Variants in NRXN1 observed in about 807,000 individuals in gnomAD.
The protein encoded by NRXN1 is neurexin 1.
NRXN1 carries 39 observed loss-of-function variants against 150.9 expected under a neutral mutation model. That is an observed-to-expected ratio of 0.26 (90% confidence interval 0.20 to 0.34). The LOEUF is 0.34. Ranked by LOEUF, NRXN1 falls within the 10% of genes least tolerant of loss-of-function variation. The pLI, the probability that NRXN1 is intolerant of heterozygous loss-of-function variation, is 1.00. For synonymous variants in NRXN1, 924 were observed against 757.0 expected, an observed-to-expected ratio of 1.22 and a Z score of -3.62; for missense variants, 1,815 against 1,949.9, an observed-to-expected ratio of 0.93 and a Z score of 1.30.
At chr2:50,595,064 C>T (rs927629445) in intron 8 of NRXN1, among the ~76,000 whole-genome samples, 2 of 150,496 alleles carry the variant, frequency 1.3e-5, no homozygotes, top group African/African-American at 4.9e-5. Flanking sequence ...TCTGCACATC[C>T]AGATTGGGAA....
chr2:50,792,320 C>T (rs990588218), intron 5 of NRXN1, among the ~76,000 whole-genome samples: 1 of 152,026 alleles, frequency 6.6e-6, no homozygotes, highest in Non-Finnish European at 1.5e-5. Flanking sequence ...TTTTATTTGT[C>T]TATTTTCTCT....
chr2:50,849,582 CTCT>C, intron 5 of NRXN1, among the ~76,000 whole-genome samples: 1 of 152,284 alleles, frequency 6.6e-6, no homozygotes, highest in Middle Eastern at 3.4e-3. Flanking sequence ...TTATCAATAA[CTCT>C]TCTTTTGTTT....
intron 5 of NRXN1, among the ~76,000 whole-genome samples, chr2:50,828,974 C>A (rs1161445252): frequency 6.6e-6 from 1 of 152,224 alleles, no homozygotes; most frequent in African/African-American, 2.4e-5. Flanking sequence ...CGTCTGCAAT[C>A]CCGGCACCTC....
intron 2 of NRXN1, among the ~76,000 whole-genome samples, chr2:50,978,425 A>G (rs1274743204): frequency 6.6e-6 from 1 of 150,558 alleles, no homozygotes; most frequent in Non-Finnish European, 1.5e-5. Context: ...GTATTTGTAT[A>G]ATCTGCATCA....
chr2:50,367,315 A>G (rs560331751), intron 17 of NRXN1, among the ~76,000 whole-genome samples: 2 of 152,138 alleles, frequency 1.3e-5, no homozygotes, highest in South Asian at 4.1e-4. Context: ...AGAGAATTAG[A>G]GCTTAATGAA....
chr2:51,017,660 A>G (rs1668936152), intron 2 of NRXN1, among the ~76,000 whole-genome samples: 1 of 151,692 alleles, frequency 6.6e-6, no homozygotes, highest in South Asian at 2.1e-4. Flanking sequence ...AGAACTTTTT[A>G]AATAGACATT....
intron 17 of NRXN1, among the ~76,000 whole-genome samples, chr2:50,275,792 C>T (rs1026237262): frequency 1.3e-5 from 2 of 151,958 alleles, no homozygotes; most frequent in African/African-American, 2.4e-5. Context: ...AAGAAAAGTG[C>T]CTAATCTTTG....
chr2:49,937,147 G>C (rs1415357810), intron 22 of NRXN1, among the ~76,000 whole-genome samples: 4 of 152,320 alleles, frequency 2.6e-5, no homozygotes, highest in Non-Finnish European at 4.4e-5. Context: ...CCTAACTTTA[G>C]TGGGCTCCAT....
At chr2:50,267,249 G>C (rs2069005680) in intron 17 of NRXN1, among the ~76,000 whole-genome samples, 1 of 152,150 alleles carries the variant, frequency 6.6e-6, no homozygotes, top group Non-Finnish European at 1.5e-5. Context: ...TTTGACCAAT[G>C]GTGAATGAAT....
At chr2:50,561,422 C>A (rs1412847827) in intron 8 of NRXN1, among the ~76,000 whole-genome samples, 1 of 152,122 alleles carries the variant, frequency 6.6e-6, no homozygotes, top group African/African-American at 2.4e-5. Flanking sequence ...ATACAAACTG[C>A]AAACTTGATC....
chr2:50,399,575 G>C (rs2082262029), intron 17 of NRXN1, among the ~76,000 whole-genome samples: 1 of 151,602 alleles, frequency 6.6e-6, no homozygotes, highest in African/African-American at 2.4e-5. Flanking sequence ...TCTAATTCAT[G>C]GGTGCCCCTT....
chr2:50,716,879 C>G (rs994821703), intron 5 of NRXN1, among the ~76,000 whole-genome samples: 1 of 152,092 alleles, frequency 6.6e-6, no homozygotes, highest in African/African-American at 2.4e-5. Context: ...GATGTCTCTT[C>G]TATTAGTTGC....
intron 21 of NRXN1, among the ~76,000 whole-genome samples, chr2:49,968,537 C>T (rs761720426): frequency 3.5e-4 from 53 of 152,092 alleles, no homozygotes; most frequent in Non-Finnish European, 3.1e-4. Flanking sequence ...TATTCTAGTA[C>T]CCTCGGTGTC....
intron 17 of NRXN1, among the ~76,000 whole-genome samples, chr2:50,261,632 C>G (rs2068293365): frequency 6.6e-6 from 1 of 151,864 alleles, no homozygotes. Context: ...CCAACCAAAA[C>G]AGTGTAGCAA....
chr2:50,651,304 G>T (rs1019173765), intron 5 of NRXN1, among the ~76,000 whole-genome samples: 1 of 151,840 alleles, frequency 6.6e-6, no homozygotes, highest in Admixed American at 6.6e-5. Flanking sequence ...ATTTTCTAAA[G>T]AAAAAGTATC....
At chr2:50,984,036 C>G (rs190466111) in intron 2 of NRXN1, among the ~76,000 whole-genome samples, 4 of 151,374 alleles carry the variant, frequency 2.6e-5, no homozygotes, top group African/African-American at 4.9e-5. Context: ...AGCATGATCT[C>G]GACTCACTGC....
At chr2:50,984,468 A>T (rs575829051) in intron 2 of NRXN1, among the ~76,000 whole-genome samples, 3 of 152,048 alleles carry the variant, frequency 2.0e-5, no homozygotes, top group Non-Finnish European at 4.4e-5. Flanking sequence ...ATTTTACAGT[A>T]CAGACCCTTT....
chr2:50,432,612 C>T (rs553612847), intron 17 of NRXN1, among the ~76,000 whole-genome samples: 1 of 152,286 alleles, frequency 6.6e-6, no homozygotes, highest in South Asian at 2.1e-4. Context: ...ATTCCTGTCC[C>T]TTCATTTACA....
At chr2:50,424,295 AAGGAGGAGGAGGAGGGGGAGG>A (rs1437393890) in intron 17 of NRXN1, among the ~76,000 whole-genome samples, 13 of 71,910 alleles carry the variant, frequency 1.8e-4, no homozygotes, top group African/African-American at 4.1e-4. Flanking sequence ...GAGGAAGAAG[AAGGAGGAGGAGGAGGGGGAGG>A]AGGAGGAGGA....
Sources: allele counts gnomAD v4.1 joint callset (sites outside exome capture counted in the v4.1 genomes callset), GRCh38; gene constraint gnomAD v4.1.1; transcripts MANE v1.5; gene names NCBI Gene and HGNC (gene_info 2026-07-23, HGNC 2026-07-21).